The following EOGT variants were observed in gnomAD, a reference collection of about 807,000 sequenced individuals.
The protein encoded by EOGT is EGF domain-specific O-linked N-acetylglucosamine transferase.
Under a neutral mutation model 70.5 loss-of-function variants are expected in EOGT, and 55 were observed. The ratio of observed to expected loss-of-function variants is 0.78; its 90% confidence interval spans 0.63 to 0.98. The LOEUF is 0.98. Among genes scored for constraint, EOGT ranks in the 50% least tolerant of loss-of-function variants. The pLI is 0.00. For missense variants in EOGT, 703 were observed against 641.9 expected, an observed-to-expected ratio of 1.10 and a Z score of -1.03; for synonymous variants, 246 against 217.1, an observed-to-expected ratio of 1.13 and a Z score of -1.17.
At chr3:68,999,202 A>G (rs913135414) in intron 9 of EOGT, among the ~76,000 whole-genome samples, 2 of 152,222 alleles carry the variant, frequency 1.3e-5, no homozygotes, top group African/African-American at 4.8e-5. Context: ...CAAAGATAAT[A>G]CATCTTAAAG....
chr3:68,984,866 C>A (rs62256140), intron 14 of EOGT, among the ~76,000 whole-genome samples: 60,775 of 151,966 alleles, frequency 0.4, 12,511 homozygotes, highest in East Asian at 0.52. Flanking sequence ...CCAGAGGTAG[C>A]TTCTGCCTCC....
chr3:69,010,318 T>C (rs1191485601), intron 3 of EOGT, among the ~76,000 whole-genome samples: 2 of 152,260 alleles, frequency 1.3e-5, no homozygotes, highest in Non-Finnish European at 1.5e-5. Flanking sequence ...CATGGTCTAT[T>C]ATAAAAGAAT....
chr3:69,008,645 TA>T, intron 4 of EOGT, 117 bp from the exon 5 acceptor site: 1 of 690,688 alleles, frequency 1.4e-6, no homozygotes, highest in Non-Finnish European at 2.5e-6. Context: ...TTATAATACG[TA>T]TTCTTATAAC....
chr3:69,012,960 C>G (rs950374719), intron 1 of EOGT, among the ~76,000 whole-genome samples, 161 bp from the exon 2 acceptor site: 15 of 151,826 alleles, frequency 9.9e-5, no homozygotes, highest in African/African-American at 3.6e-4. Context: ...CACGTGAGAC[C>G]CCGAATGACA....
intron 5 of EOGT, among the ~76,000 whole-genome samples, chr3:69,008,096 T>C (rs2091484922): frequency 6.6e-6 from 1 of 152,220 alleles, no homozygotes; most frequent in African/African-American, 2.4e-5. Flanking sequence ...CTATATTTTC[T>C]TTACCTCATT....
chr3:68,980,424 T>C (rs1193017294), intron 15 of EOGT, among the ~76,000 whole-genome samples: 1 of 152,166 alleles, frequency 6.6e-6, no homozygotes, highest in Non-Finnish European at 1.5e-5. Context: ...GTACAAGTGT[T>C]CTCTAAATCC....
intron 10 of EOGT, among the ~76,000 whole-genome samples, chr3:68,993,259 G>A (rs554398160): frequency 1.3e-5 from 2 of 152,276 alleles, no homozygotes; most frequent in East Asian, 3.9e-4. Context: ...AAAACTGAGT[G>A]TCTTTCACAG....
intron 3 of EOGT, among the ~76,000 whole-genome samples, chr3:69,010,146 A>T (rs1189839109): frequency 6.6e-6 from 1 of 152,244 alleles, no homozygotes; most frequent in Non-Finnish European, 1.5e-5. Flanking sequence ...ATAAACAAGC[A>T]ATCAAATAAA....
At chr3:68,987,294 A>T in intron 14 of EOGT, 151 bp downstream of exon 14, 1 of 664,856 alleles carries the variant, frequency 1.5e-6, no homozygotes, top group Non-Finnish European at 2.6e-6. Flanking sequence ...TAGAAATTCA[A>T]ATCTAATAAA....
intron 16 of EOGT, among the ~76,000 whole-genome samples, chr3:68,979,078 T>C (rs1050506489): frequency 6.6e-6 from 1 of 152,026 alleles, no homozygotes; most frequent in Non-Finnish European, 1.5e-5. Flanking sequence ...TATTTAGACA[T>C]AATGGGGGGA....
chr3:68,987,407 G>C (rs1459865664), intron 14 of EOGT, 38 bp downstream of exon 14: 2 of 1,286,178 alleles, frequency 1.6e-6, no homozygotes. Context: ...TCTATGAATT[G>C]AATATGAAGG....
At chr3:68,981,714 T>A (rs2090646825) in intron 15 of EOGT, among the ~76,000 whole-genome samples, 1 of 152,200 alleles carries the variant, frequency 6.6e-6, no homozygotes, top group Non-Finnish European at 1.5e-5. Flanking sequence ...TAAGTTTTTT[T>A]AAAATTTCAT....
intron 1 of EOGT, among the ~76,000 whole-genome samples, chr3:69,013,273 G>C (rs2107433554): frequency 6.6e-6 from 1 of 151,834 alleles, no homozygotes; most frequent in South Asian, 2.1e-4. Flanking sequence ...GAGGGGCCCC[G>C]GGGAGCGGCT....
chr3:69,003,407 G>C (rs571972700), intron 8 of EOGT, among the ~76,000 whole-genome samples: 1 of 152,076 alleles, frequency 6.6e-6, no homozygotes, highest in African/African-American at 2.4e-5. Flanking sequence ...TGAATCATGG[G>C]GGTGGGTTTT....
chr3:68,987,171 C>T (rs1179835876), intron 14 of EOGT, among the ~76,000 whole-genome samples: 1 of 152,190 alleles, frequency 6.6e-6, no homozygotes, highest in Non-Finnish European at 1.5e-5. Flanking sequence ...TCCGGATGCC[C>T]TCTACTGCAG....
chr3:69,010,353 C>A (rs1173027572), intron 3 of EOGT, among the ~76,000 whole-genome samples: 4 of 152,200 alleles, frequency 2.6e-5, no homozygotes, highest in African/African-American at 9.6e-5. Flanking sequence ...TCCAATAAAA[C>A]TTTTTAACTT....
rs1445142025 is a variant in EOGT, at chr3:68,989,031, C to G, written c.832-14G>C. 19 of 1,461,422 alleles carry G rather than the reference C, an allele frequency of 1.3e-5. No individual in the cohort carries two copies. The East Asian group carries it at 4.8e-4, about 37-fold the overall frequency. The allele number at this position is 1,461,422 out of a possible 1,614,324, so 90.5% of individuals were successfully genotyped here. ...TCCGTAAGAACTCTGAAAGTAGAAA[C>G]AAAACAAGGTTTTAGGGCAATAAAA... On this transcript the variant is annotated splice_polypyrimidine_tract_variant and intron_variant, in intron 10 of 17. Transcript: ENST00000383701.
At chr3:68,988,453 G>A (rs1575729165) in intron 12 of EOGT, 53 bp downstream of exon 12, 2 of 1,485,696 alleles carry the variant, frequency 1.3e-6, no homozygotes, top group Non-Finnish European at 1.8e-6. Flanking sequence ...GTCAACTTAT[G>A]TATAAATGTT....
chr3:68,997,984 T>C (rs2091197543), intron 10 of EOGT, 27 bp downstream of exon 10: 1 of 1,285,950 alleles, frequency 7.8e-7, no homozygotes, highest in Non-Finnish European at 1.1e-6. Context: ...AAGACAGTAC[T>C]GAAGCGGAGA....
Sources: gnomAD v4.1 joint callset for allele counts (sites outside exome capture counted in the v4.1 genomes callset) on GRCh38, gnomAD v4.1.1 for gene constraint, MANE v1.5 for transcripts, NCBI Gene and HGNC (gene_info 2026-07-23, HGNC 2026-07-21) for gene names.